TBC1D19: variants seen among roughly 807,000 people sequenced by gnomAD.
The protein encoded by TBC1D19 is TBC1 domain family member 19.
TBC1D19 carries 60 observed loss-of-function variants against 89.0 expected under a neutral mutation model. That is an observed-to-expected ratio of 0.67 (90% CI 0.55 to 0.84). The LOEUF (loss-of-function observed/expected upper bound fraction) is 0.84. Ranked by LOEUF, TBC1D19 falls within the 40% of genes least tolerant of loss-of-function variation. The pLI is 0.00. For synonymous variants in TBC1D19, 189 were observed against 199.7 expected (o/e 0.95, Z 0.45); for missense variants, 500 against 610.8 (o/e 0.82, Z 1.91).
the TBC1D19 span, among the ~76,000 whole-genome samples, chr4:26,810,426 ACT>A: frequency 7.9e-5 from 12 of 152,084 alleles, no homozygotes; most frequent in African/African-American, 2.9e-4. Flanking sequence ...CATGGACTAA[ACT>A]CTCTAATTCT....
At chr4:26,779,404 G>A in the TBC1D19 span, among the ~76,000 whole-genome samples, 1 of 152,230 alleles carries the variant, frequency 6.6e-6, no homozygotes, top group Non-Finnish European at 1.5e-5. Context: ...CCACCTAGGT[G>A]TGCCAGACAG....
chr4:26,746,364 C>G (rs906811610), intron 18 of TBC1D19, among the ~76,000 whole-genome samples: 1 of 152,054 alleles, frequency 6.6e-6, no homozygotes, highest in East Asian at 1.9e-4. Flanking sequence ...TCACCACACA[C>G]AGCCCTTCAC....
intron 7 of TBC1D19, among the ~76,000 whole-genome samples, chr4:26,653,593 T>C (rs917645275): frequency 7.9e-5 from 12 of 152,240 alleles, no homozygotes; most frequent in African/African-American, 2.6e-4. Flanking sequence ...ATAGTTAGCT[T>C]GTCTTGTTGA....
At chr4:26,724,059 A>G (rs1398768285) in intron 15 of TBC1D19, among the ~76,000 whole-genome samples, 2 of 152,304 alleles carry the variant, frequency 1.3e-5, no homozygotes, top group East Asian at 1.9e-4. Flanking sequence ...ATGCTATGCA[A>G]TGAAATGGGA....
At chr4:26,688,180 A>G (rs567893360) in intron 12 of TBC1D19, among the ~76,000 whole-genome samples, 165 bp from the exon 13 acceptor site, 17 of 152,194 alleles carry the variant, frequency 1.1e-4, no homozygotes, top group Non-Finnish European at 1.9e-4. Flanking sequence ...TGTGTCACAT[A>G]TATTAGTTCA....
At chr4:26,693,368 T>C (rs191772789) in intron 13 of TBC1D19, among the ~76,000 whole-genome samples, 62 of 152,264 alleles carry the variant, frequency 4.1e-4, no homozygotes, top group Admixed American at 1.3e-3. Flanking sequence ...ATTATAAATA[T>C]ATTCAAAGAA....
intron 13 of TBC1D19, among the ~76,000 whole-genome samples, chr4:26,690,187 A>G (rs914106743): frequency 1.3e-5 from 2 of 152,204 alleles, no homozygotes; most frequent in Non-Finnish European, 2.9e-5. Flanking sequence ...CTTCAATTTT[A>G]TCAAGGCTGA....
At chr4:26,611,658 T>A (rs907267290) in intron 1 of TBC1D19, among the ~76,000 whole-genome samples, 1 of 152,180 alleles carries the variant, frequency 6.6e-6, no homozygotes, top group Non-Finnish European at 1.5e-5. Context: ...AGTTGTGATA[T>A]TCTAATTGTA....
At chr4:26,842,583 CCTTT>C in the TBC1D19 span, among the ~76,000 whole-genome samples, 4,193 of 70,350 alleles carry the variant, frequency 0.06, 120 homozygotes, top group African/African-American at 0.085. Context: ...TTCCTCCCTC[CCTTT>C]CTTTCTTTCT....
intron 7 of TBC1D19, among the ~76,000 whole-genome samples, chr4:26,651,600 A>C (rs1365081653): frequency 6.6e-6 from 1 of 152,214 alleles, no homozygotes; most frequent in African/African-American, 2.4e-5. Flanking sequence ...TATCAGCTTA[A>C]GGAGATTTTG....
chr4:26,847,343 A>G, the TBC1D19 span, among the ~76,000 whole-genome samples: 1 of 152,198 alleles, frequency 6.6e-6, no homozygotes, highest in African/African-American at 2.4e-5. Flanking sequence ...TGAGGGTTAC[A>G]ATTTTAAAGT....
chr4:26,625,454 T>C (rs1045105734), intron 4 of TBC1D19, among the ~76,000 whole-genome samples: 3 of 152,192 alleles, frequency 2.0e-5, no homozygotes, highest in African/African-American at 7.2e-5. Context: ...TATTAGCATC[T>C]TAACATTAGT....
chr4:26,851,319 A>ATCTGTCTGTCTG, the TBC1D19 span, among the ~76,000 whole-genome samples: 13 of 147,508 alleles, frequency 8.8e-5, no homozygotes, highest in Middle Eastern at 3.4e-3. Context: ...CTATCTATCT[A>ATCTGTCTGTCTG]TCTATCTATC....
At chr4:26,655,808 C>T (rs1004839413) in intron 7 of TBC1D19, among the ~76,000 whole-genome samples, 1 of 152,222 alleles carries the variant, frequency 6.6e-6, no homozygotes, top group African/African-American at 2.4e-5. Context: ...TTCCCTGACC[C>T]CTTGCACTTC....
In TBC1D19 at chr4:26,656,987, T is replaced by TCTTCTTCTTCTCCTTCTCCTTCTC. The variant is rs67034832; in HGVS notation, c.481-2605_481-2604insTCTTCTCCTTCTCCTTCTCCTTCT. ...TTCTTCTTCTTCTTCTTCTTCTTCT[T>TCTTCTTCTTCTCCTTCTCCTTCTC]CTTCTCCTTCTCCTTCTCCTTCTCC... On this transcript the variant is annotated intron_variant, in intron 7 of 20. Coordinates refer to ENST00000264866, the MANE Select transcript of TBC1D19 (RefSeq NM_018317.4). 4.3e-3 allele frequency among the ~76,000 whole-genome samples: 76 copies of TCTTCTTCTTCTCCTTCTCCTTCTC among 17,810 alleles called. 1 individual carries two copies. Among genetic ancestry groups the TCTTCTTCTTCTCCTTCTCCTTCTC allele is most frequent in the African/African-American group, 0.012 (71 of 5,784 alleles). 11.7% of individuals were successfully genotyped at this position (17,810 alleles called of 152,430 possible).
intron 8 of TBC1D19, 146 bp from the exon 9 acceptor site, chr4:26,666,187 C>T: frequency 1.8e-6 from 1 of 543,026 alleles, no homozygotes; most frequent in African/African-American, 1.9e-5. Context: ...TTAATATGTC[C>T]TTTTCTTTTT....
chr4:26,848,499 ATTC>A, the TBC1D19 span, among the ~76,000 whole-genome samples: 1 of 152,194 alleles, frequency 6.6e-6, no homozygotes, highest in Non-Finnish European at 1.5e-5. Flanking sequence ...CTTCTTTTTT[ATTC>A]TTCACTTGTA....
At chr4:26,580,838 C>A (rs529729204), upstream of TBC1D19, among the ~76,000 whole-genome samples, 1 of 152,178 alleles carries the variant, frequency 6.6e-6, no homozygotes, top group Non-Finnish European at 1.5e-5. Context: ...GTTTTTAATG[C>A]GTTCCACAAC....
the TBC1D19 span, among the ~76,000 whole-genome samples, chr4:26,834,091 C>G: frequency 1.3e-5 from 2 of 152,134 alleles, no homozygotes; most frequent in East Asian, 1.9e-4. Flanking sequence ...CCCCTCTCCC[C>G]CTTCCTTCTC....
Sources: allele counts gnomAD v4.1 joint callset (sites outside exome capture counted in the v4.1 genomes callset), GRCh38; gene constraint gnomAD v4.1.1; transcripts MANE v1.5; gene names NCBI Gene and HGNC (gene_info 2026-07-23, HGNC 2026-07-21).